PAFAH1B2: variants seen among roughly 807,000 people sequenced by gnomAD.
PAFAH1B2 encodes the protein platelet-activating factor acetylhydrolase IB subunit alpha2.
In PAFAH1B2, 8 loss-of-function variants were observed where a neutral mutation model predicts 28.0. That is an observed-to-expected ratio of 0.29 (90% CI 0.17 to 0.52). The LOEUF (loss-of-function observed/expected upper bound fraction) is 0.52. Ranked by LOEUF, PAFAH1B2 falls within the 20% of genes least tolerant of loss-of-function variation. PAFAH1B2 has a pLI of 0.97. For synonymous variants in PAFAH1B2, 104 were observed against 103.2 expected (o/e 1.01, Z -0.05); for missense variants, 190 against 282.6 (o/e 0.67, Z 2.35).
intron 2 of PAFAH1B2, among the ~76,000 whole-genome samples, chr11:117,155,339 A>G (rs61905477): frequency 0.029 from 4,356 of 152,350 alleles, 89 homozygotes; most frequent in Non-Finnish European, 0.036. Flanking sequence ...CAGAAAAATA[A>G]GGCTCAGCAG....
chr11:117,169,519 C>T lies in PAFAH1B2; in HGVS notation c.*1820C>T, dbSNP rs768229136. On this transcript the variant is annotated 3_prime_UTR_variant, in exon 6 of 6. Transcript: ENST00000527958. ...AGGGCTTACTGATGCGTGCTAAGAC[C>T]GATTTCTGATTGAGGGATGAACCTT... is the stretch of plus-strand genomic sequence containing the variant. 25 of 1,054,304 alleles carry T rather than the reference C, an allele frequency of 2.4e-5. No individual in the cohort carries two copies. The highest frequency in any genetic ancestry group is 5.3e-5 in the East Asian group (1 of 18,744). 65.3% of individuals were successfully genotyped at this position (1,054,304 alleles called of 1,614,324 possible).
intron 5 of PAFAH1B2, among the ~76,000 whole-genome samples, chr11:117,166,592 A>G (rs1032617302): frequency 6.6e-6 from 1 of 152,222 alleles, no homozygotes; most frequent in Non-Finnish European, 1.5e-5. Flanking sequence ...TTTGCTGGGC[A>G]TGGTAGCTCA....
intron 2 of PAFAH1B2, among the ~76,000 whole-genome samples, chr11:117,153,966 C>T (rs1293971139): frequency 6.7e-6 from 1 of 149,214 alleles, no homozygotes; most frequent in African/African-American, 2.5e-5. Flanking sequence ...TACAGTGGCT[C>T]ATGCCTGTAA....
In PAFAH1B2 at chr11:117,167,490, A is replaced by C; in HGVS notation, c.481A>C (p.Lys161Gln). 1 of 1,610,410 alleles carries C rather than the reference A, an allele frequency of 6.2e-7. No individual in the cohort carries two copies. The highest frequency in any genetic ancestry group is 8.5e-7 in the Non-Finnish European group (1 of 1,177,854). The change falls in exon 6 of 6, where the codon AAG becomes CAG. Residue 161 changes from lysine to glutamine, a missense_variant. By Grantham distance (53) the Lys-to-Gln change is moderately conservative. Coordinates refer to ENST00000527958, the MANE Select transcript of PAFAH1B2 (RefSeq NM_002572.4). ...QKNAKVNQLL[K>Q]VSLPKLANVQ... is the part of the protein sequence containing the mutation. ...GAACGCCAAGGTGAACCAACTCCTC[A>C]AGGTTTCGCTGCCGAAGCTTGCCAA... is the stretch of plus-strand genomic sequence containing the variant.
rs1956620194 is a variant in PAFAH1B2, at chr11:117,170,273, A to G, written c.*2574A>G. ...AGTTGTCATTGTGATTAAGGGGCCA[A>G]CTTTCCAGGCAGCTAGCAGAGATAC... On this transcript the variant is annotated 3_prime_UTR_variant, in exon 6 of 6. Transcript: ENST00000527958. The G allele has an allele frequency of 1.9e-6, 2 of 1,062,482 alleles. No homozygotes were observed. Among genetic ancestry groups the G allele is most frequent in the Admixed American group, 5.4e-5 (1 of 18,496 alleles). 65.8% of individuals were successfully genotyped at this position (1,062,482 alleles called of 1,614,324 possible). A position where few individuals can be genotyped will look rare whatever the true frequency, so the allele number is the denominator to read the frequency against.
intron 1 of PAFAH1B2, among the ~76,000 whole-genome samples, chr11:117,148,988 C>G (rs944569049): frequency 6.6e-6 from 1 of 151,704 alleles, no homozygotes; most frequent in African/African-American, 2.4e-5. Context: ...CTCCCTCAGC[C>G]TCCCAAGTAG....
chr11:117,163,925 A>T (rs191992231), intron 5 of PAFAH1B2, 33 bp downstream of exon 5: 12 of 1,607,090 alleles, frequency 7.5e-6, no homozygotes, highest in South Asian at 4.4e-5. Context: ...AGAGTTTGTT[A>T]TCTTTAGGTC....
intron 1 of PAFAH1B2, among the ~76,000 whole-genome samples, chr11:117,147,088 A>G (rs543455024): frequency 6.6e-6 from 1 of 152,154 alleles, no homozygotes; most frequent in African/African-American, 2.4e-5. Flanking sequence ...GACCAATATG[A>G]TGAAACCCCG....
downstream of PAFAH1B2, chr11:117,171,054 T>C (rs1035371662): frequency 1.9e-6 from 2 of 1,026,598 alleles, no homozygotes; most frequent in Admixed American, 1.2e-4. Context: ...AATTTGCTGG[T>C]GTCTTTCTGT....
downstream of PAFAH1B2, chr11:117,175,891 T>C (rs1043662879): frequency 2.6e-6 from 4 of 1,535,300 alleles, no homozygotes; most frequent in African/African-American, 5.5e-5. Context: ...TCACGAGTGT[T>C]TCTTAATGTT....
chr11:117,152,345 C>T (rs1956170614), intron 1 of PAFAH1B2, 96 bp from the exon 2 acceptor site: 2 of 718,370 alleles, frequency 2.8e-6, no homozygotes, highest in Non-Finnish European at 4.9e-6. Context: ...CCACATAAAA[C>T]TTTAATTATT....
chr11:117,145,923 A>C (rs1488274787), intron 1 of PAFAH1B2, among the ~76,000 whole-genome samples: 1 of 152,184 alleles, frequency 6.6e-6, no homozygotes, highest in Non-Finnish European at 1.5e-5. Context: ...TGGAAATTCT[A>C]GTGCTGTATT....
At position 117,167,762 on chromosome 11, in the gene PAFAH1B2, C is replaced by A; in HGVS notation, c.*63C>A. The A allele has an allele frequency of 7.1e-7, 1 of 1,407,160 alleles. No homozygotes were observed. Among genetic ancestry groups the A allele is most frequent in the African/African-American group, 1.4e-5 (1 of 69,476 alleles). 87.2% of individuals were successfully genotyped at this position (1,407,160 alleles called of 1,614,324 possible). A position where few individuals can be genotyped will look rare whatever the true frequency, so the allele number is the denominator to read the frequency against. ...CAGATCAGTTCTATCACTGGCACTA[C>A]AGAATCCTTCTCTTTCTTAAGGCAC... On this transcript the variant is annotated 3_prime_UTR_variant, in exon 6 of 6. Transcript: ENST00000527958.
downstream of PAFAH1B2, among the ~76,000 whole-genome samples, chr11:117,171,400 C>T (rs977769672): frequency 6.0e-4 from 91 of 151,970 alleles, no homozygotes; most frequent in African/African-American, 2.1e-3. Flanking sequence ...TGTTATTGGC[C>T]GGGCTCACGC....
chr11:117,171,099 A>G, downstream of PAFAH1B2: 7 of 1,009,854 alleles, frequency 6.9e-6, no homozygotes, highest in South Asian at 4.7e-5. Context: ...AATGAAAAAA[A>G]GGGATGGTTT....
rs1238405316 is a variant in PAFAH1B2, at chr11:117,152,342, AAACTTTAATTATTATTT to A, written c.-7-96_-7-80del. 2.1e-5 allele frequency: 15 copies of A among 707,390 alleles called. No individual in the cohort carries two copies. The East Asian group carries it at 3.7e-4, about 17-fold the overall frequency. The allele number at this position is 707,390 out of a possible 1,614,324, so 43.8% of individuals were successfully genotyped here. On this transcript the variant is annotated intron_variant, in intron 1 of 5. Transcript: ENST00000527958. ...CAATTGTTTCTAGGCAAACCACATA[AAACTTTAATTATTATTT>A]AAAGCCTGATGTGTATAATATTTAA... is the stretch of plus-strand genomic sequence containing the variant.
At chr11:117,175,440 GC>G, downstream of PAFAH1B2, 2 of 1,036,844 alleles carry the variant, frequency 1.9e-6, no homozygotes, top group South Asian at 9.0e-5. Flanking sequence ...AAGAAAATGT[GC>G]AGTTGCTGCC....
At position 117,168,546 on chromosome 11, in the gene PAFAH1B2, C is replaced by T. The variant is rs1184608216; in HGVS notation, c.*847C>T. 2.9e-6 allele frequency: 3 copies of T among 1,047,618 alleles called. No homozygotes were observed. The highest frequency in any genetic ancestry group is 5.8e-5 in the Admixed American group (1 of 17,112). The allele number at this position is 1,047,618 out of a possible 1,614,324, so 64.9% of individuals were successfully genotyped here. A position where few individuals can be genotyped will look rare whatever the true frequency, so the allele number is the denominator to read the frequency against. ...CTGTTGCTGGAAGTATAGTCTCCAG[C>T]CAGTTACTCTCATGATAGTACTGCT... On this transcript the variant is annotated 3_prime_UTR_variant, in exon 6 of 6. Coordinates refer to ENST00000527958, the MANE Select transcript of PAFAH1B2 (RefSeq NM_002572.4).
exon 6 of PAFAH1B2, chr11:117,176,450 T>G: frequency 4.8e-6 from 1 of 206,874 alleles, no homozygotes; most frequent in Non-Finnish European, 9.8e-6. Context: ...AGGCTCCAGA[T>G]AGTTGGGCAG....
Sources: allele counts gnomAD v4.1 joint callset (sites outside exome capture counted in the v4.1 genomes callset), GRCh38; gene constraint gnomAD v4.1.1; transcripts MANE v1.5; gene names NCBI Gene and HGNC (gene_info 2026-07-23, HGNC 2026-07-21).